The following NELFCD variants were observed in gnomAD, a reference collection of about 807,000 sequenced individuals.
NELFCD encodes negative elongation factor C/D.
NELFCD carries 48 observed loss-of-function variants against 72.9 expected under a neutral mutation model. The observed-to-expected ratio is 0.66, with a 90% CI of 0.52 to 0.84. The LOEUF (loss-of-function observed/expected upper bound fraction) is 0.84, where lower values mean the gene tolerates loss of function less well. Ranked by LOEUF, NELFCD falls within the 40% of genes least tolerant of loss-of-function variation. NELFCD has a pLI of 0.00. For synonymous variants in NELFCD, 297 were observed against 280.6 expected, an observed-to-expected ratio of 1.06 and a Z score of -0.59; for missense variants, 538 against 723.8, an observed-to-expected ratio of 0.74 and a Z score of 2.94.
Position 58,989,616 on chromosome 20 carries a change from T to C in NELFCD, c.633T>C (p.Leu211=). The change falls in exon 6 of 15, where the codon CTT becomes CTC. Residue 211 remains leucine (L), a synonymous_variant. Coordinates refer to ENST00000652272, the MANE Select transcript of NELFCD (RefSeq NM_198976.4). ...ATILDGGEEN[L]EKNLPEFAKM... ...TTTTAGATGGAGGAGAAGAAAACCT[T>C]GAAAAAAATCTCCCTGAGTTTGCCG... 6.2e-7 allele frequency: 1 copy of C among 1,614,136 alleles called. No homozygotes were observed. The highest frequency in any genetic ancestry group is 1.7e-5 in the Admixed American group (1 of 60,018).
In NELFCD at chr20:58,989,972, C is replaced by T. The variant is rs759807033; in HGVS notation, c.772C>T (p.Arg258Cys). Residue 258 changes from arginine (R) to cysteine (C), a missense_variant, in exon 7 of 15, where the codon CGC (arginine) becomes TGC (cysteine). Around this residue, in one of 3 missense-constraint regions of NELFCD, gnomAD observed 355 missense variants for 534.5 expected, o/e 0.66. Transcript: ENST00000652272. ...AVRRIAQEVQ[R>C]FAQEKGHDAS... is the part of the protein sequence containing the mutation. ...GCGCAGGATCGCCCAGGAAGTGCAG[C>T]GCTTTGCCCAGGAGAAGTGAGAGGC... 91 of 1,613,162 alleles carry T rather than the reference C, an allele frequency of 5.6e-5. 1 individual carries two copies. The highest frequency in any genetic ancestry group is 9.9e-5 in the South Asian group (9 of 91,054).
rs113490649 is a variant in NELFCD, at chr20:58,994,205, G to A, written c.1677G>A (p.Thr559=). The A allele has an allele frequency of 4.4e-5, 71 of 1,614,186 alleles. No homozygotes were observed. The African/African-American group carries it at 5.5e-4, about 12-fold the overall frequency. The stretch of plus-strand genomic sequence containing the variant: ...ACAGCATCGCAGGTACCATCAAAAC[G>A]GAAGGCGAGCATGACCCTGTGACGG... ...ENDSIAGTIK[T]EGEHDPVTEF... Residue 559 remains threonine, a synonymous_variant, in exon 14 of 15, where the codon ACG becomes ACA. Coordinates refer to ENST00000652272, the MANE Select transcript of NELFCD (RefSeq NM_198976.4).
intron 10 of NELFCD, among the ~76,000 whole-genome samples, chr20:58,992,720 C>A (rs1470771081): frequency 6.6e-6 from 1 of 151,904 alleles, no homozygotes; most frequent in Non-Finnish European, 1.5e-5. Flanking sequence ...ACATGGTGGA[C>A]CCTCTCTCTA....
intron 1 of NELFCD, among the ~76,000 whole-genome samples, chr20:58,981,656 G>A (rs2146345653): frequency 6.6e-6 from 1 of 151,526 alleles, no homozygotes; most frequent in Admixed American, 6.6e-5. Context: ...GAGGCCCCCA[G>A]TACCCCCTCG....
Position 58,993,475 on chromosome 20 carries a change from C to T in NELFCD, c.1371C>T (p.His457=), listed in dbSNP as rs139324271. The T allele has an allele frequency of 1.2e-6, 2 of 1,614,048 alleles. No homozygotes were observed. Among genetic ancestry groups the T allele is most frequent in the Admixed American group, 1.7e-5 (1 of 60,022 alleles). The change falls in exon 12 of 15, where the codon CAC becomes CAT. Residue 457 remains histidine (H), a synonymous_variant. Coordinates refer to ENST00000652272, the MANE Select transcript of NELFCD (RefSeq NM_198976.4). The surrounding 1 kb of genome is among the most constrained non-coding windows in gnomAD (Gnocchi z 5.0). ...DEISTCHQLL[H]PQVLQLLVKL... is the part of the protein sequence containing the mutation. ...TCAGCACCTGCCACCAGCTCCTGCA[C>T]CCCCAGGTCCTGCAGCTGCTTGTTA...
At chr20:58,987,953 C>T (rs994300259) in intron 4 of NELFCD, 136 bp downstream of exon 4, 1 of 676,980 alleles carries the variant, frequency 1.5e-6, no homozygotes, top group African/African-American at 1.8e-5. Flanking sequence ...ACAGAAGTTG[C>T]ATCTAGTCAG....
chr20:58,989,243 C>G (rs2091795245), intron 5 of NELFCD: 1 of 621,520 alleles, frequency 1.6e-6, no homozygotes, highest in Non-Finnish European at 2.8e-6. Context: ...CAAGAATTCT[C>G]TTGTGGTTGG....
chr20:58,985,077 G>C (rs2091762417), intron 1 of NELFCD, among the ~76,000 whole-genome samples: 1 of 152,332 alleles, frequency 6.6e-6, no homozygotes, highest in Non-Finnish European at 1.5e-5. Context: ...AATATTTTAG[G>C]TTGTGCCTGT....
At position 58,989,629 on chromosome 20, in the gene NELFCD, CCT is replaced by C; in HGVS notation, c.647_648del (p.Pro216ArgfsTer50). On this transcript the variant is annotated frameshift_variant, in exon 6 of 15. Coordinates refer to ENST00000652272, the MANE Select transcript of NELFCD (RefSeq NM_198976.4). LOFTEE classifies it high-confidence loss of function. ...AGAAGAAAACCTTGAAAAAAATCTC[CCT>C]GAGTTTGCCGTAAGTTCTTTCTTTA... ...GGEENLEKNL[P>X]EFAKMVCHGE... The C allele has an allele frequency of 6.2e-7, 1 of 1,614,162 alleles. No homozygotes were observed. The highest frequency in any genetic ancestry group is 1.7e-5 in the Admixed American group (1 of 60,020).
intron 4 of NELFCD, among the ~76,000 whole-genome samples, chr20:58,988,162 C>T (rs2091786441): frequency 6.6e-6 from 1 of 152,106 alleles, no homozygotes; most frequent in Non-Finnish European, 1.5e-5. Flanking sequence ...GCTAGGCCTG[C>T]AGGAGATGAT....
chr20:58,990,871 G>T, intron 7 of NELFCD, 39 bp from the exon 8 acceptor site: 1 of 1,560,508 alleles, frequency 6.4e-7, no homozygotes. Flanking sequence ...AAAAGAAGCT[G>T]CCTTGTTAGT....
chr20:58,989,862 T>C lies in NELFCD; in HGVS notation c.662T>C (p.Met221Thr). The C allele has an allele frequency of 6.2e-7, 1 of 1,614,172 alleles. No homozygotes were observed. The highest frequency in any genetic ancestry group is 8.5e-7 in the Non-Finnish European group (1 of 1,180,038). Reference protein sequence around the residue: ...LEKNLPEFAKMVCHGEHTYLF... With the variant: ...LEKNLPEFAKTVCHGEHTYLF... ...TCTCTCCCTGCAATCTTGCAGAAGA[T>C]GGTGTGCCACGGGGAGCACACGTAC... The change falls in exon 7 of 15, where the codon ATG becomes ACG. Residue 221 changes from methionine to threonine, a missense_variant. Around this residue, in one of 3 missense-constraint regions of NELFCD, gnomAD observed 355 missense variants for 534.5 expected, o/e 0.66. Coordinates refer to ENST00000652272, the MANE Select transcript of NELFCD (RefSeq NM_198976.4).
chr20:58,993,396 T>G lies in NELFCD; in HGVS notation c.1345-53T>G. 1 of 1,551,684 alleles carries G rather than the reference T, an allele frequency of 6.4e-7. No homozygotes were observed. Among genetic ancestry groups the G allele is most frequent in the Non-Finnish European group, 8.9e-7 (1 of 1,129,538 alleles). On this transcript the variant is annotated intron_variant, in intron 11 of 14. Transcript: ENST00000652272. This position sits in a 1 kb window ranked among gnomAD's most constrained non-coding sequence, Gnocchi z 5.0. ...GCTGTGACAGTGCCCAGTTTCTCTG[T>G]GTGCTGAGCGTGACCACACTGCTCA...
chr20:58,984,980 G>A (rs777511840), intron 1 of NELFCD, among the ~76,000 whole-genome samples: 2 of 152,332 alleles, frequency 1.3e-5, no homozygotes, highest in East Asian at 1.9e-4. Context: ...GGAAGTCATC[G>A]GGTTCTGTCT....
At chr20:58,990,012 G>C (rs199733975) in intron 7 of NELFCD, 24 bp downstream of exon 7, 3 of 1,608,198 alleles carry the variant, frequency 1.9e-6, no homozygotes, top group African/African-American at 2.7e-5. Flanking sequence ...TTTCTGCTCA[G>C]CCCTTCCTTC....
At chr20:58,991,556 C>G in intron 9 of NELFCD, 110 bp downstream of exon 9, 2 of 1,259,752 alleles carry the variant, frequency 1.6e-6, no homozygotes, top group Non-Finnish European at 2.2e-6. Flanking sequence ...TCCCTAGTAT[C>G]AGGCATGTGT....
chr20:58,988,710 A>G (rs163781), intron 4 of NELFCD, among the ~76,000 whole-genome samples: 64,465 of 151,922 alleles, frequency 0.42, 14,139 homozygotes, highest in East Asian at 0.62. Context: ...CCGATTTTCT[A>G]AAAGCTGAGC....
rs571293549 is a variant in NELFCD at position 58,989,742 on chromosome 20, A to T, written c.657+102A>T. 8.6e-5 allele frequency: 138 copies of T among 1,606,688 alleles called. No individual in the cohort carries two copies. The Middle Eastern group carries it at 1.2e-3, about 13-fold the overall frequency. On this transcript the variant is annotated intron_variant, in intron 6 of 14. Transcript: ENST00000652272. ...TCCCTGGAGAGAATCTCCATTTCTG[A>T]GGGCACCTTCCAGGATGCTCACTCC...
chr20:58,993,654 A>T lies in NELFCD; in HGVS notation c.1471A>T (p.Met491Leu), dbSNP rs1487601327. Residue 491 changes from methionine (M) to leucine (L), a missense_variant, in exon 13 of 15, where the codon ATG (methionine) becomes TTG (leucine). By Grantham distance (15) the Met-to-Leu change is conservative. This residue lies in a region of NELFCD where 136 missense variants were observed against 154.0 expected (regional missense o/e 0.88). Transcript: ENST00000652272. The surrounding 1 kb of genome is among the most constrained non-coding windows in gnomAD (Gnocchi z 5.0). ...LELKKTLLDR[M>L]VHLLSRGYVL... ...GTTGAAGAAGACACTGCTGGACAGG[A>T]TGGTTCACCTGCTGAGTCGAGGTTA... The T allele has an allele frequency of 6.2e-7, 1 of 1,614,174 alleles. No homozygotes were observed. The highest frequency in any genetic ancestry group is 8.5e-7 in the Non-Finnish European group (1 of 1,180,030).
Sources: gnomAD v4.1 joint callset for allele counts (sites outside exome capture counted in the v4.1 genomes callset) on GRCh38, gnomAD v4.1.1 for gene constraint, gnomAD v4.1.1 regional missense constraint, Gnocchi (gnomAD v3.1) non-coding constraint, MANE v1.5 for transcripts, NCBI Gene and HGNC (gene_info 2026-07-23, HGNC 2026-07-21) for gene names.